The following NCOR2 variants were observed in gnomAD, a reference collection of about 807,000 sequenced individuals.
NCOR2 encodes CTG repeat protein 26.
Under a neutral mutation model 262.9 loss-of-function variants are expected in NCOR2, and 81 were observed. The ratio of observed to expected loss-of-function variants is 0.31; its 90% confidence interval spans 0.26 to 0.37. NCOR2 has a LOEUF of 0.37. Among genes scored for constraint, NCOR2 ranks in the 10% least tolerant of loss-of-function variants. The pLI is 1.00. For synonymous variants in NCOR2, 1,659 were observed against 1,559.3 expected (o/e 1.06, Z -1.51); for missense variants, 3,385 against 3,621.4 (o/e 0.93, Z 1.68).
intron 13 of NCOR2, among the ~76,000 whole-genome samples, chr12:124,411,747 G>A (rs1269297616): frequency 1.3e-5 from 2 of 152,258 alleles, no homozygotes; most frequent in Non-Finnish European, 2.9e-5. Context: ...CCCACAGTCC[G>A]TGATTCACCT....
chr12:124,505,643 T>C (rs980332008), intron 1 of NCOR2, among the ~76,000 whole-genome samples: 1 of 152,182 alleles, frequency 6.6e-6, no homozygotes, highest in African/African-American at 2.4e-5. Flanking sequence ...CTGACCTCTC[T>C]GAGCTTCACT....
intron 13 of NCOR2, among the ~76,000 whole-genome samples, chr12:124,410,230 A>AT (rs1219625326): frequency 3.4e-5 from 5 of 145,024 alleles, no homozygotes; most frequent in African/African-American, 1.3e-4. Flanking sequence ...GAGCGCTCAC[A>AT]TTTTCCACCT....
chr12:124,342,597 T>C (rs1045384380), intron 33 of NCOR2, among the ~76,000 whole-genome samples: 1 of 152,204 alleles, frequency 6.6e-6, no homozygotes, highest in Admixed American at 6.5e-5. Context: ...CTCTATCTCC[T>C]GACCTTGTGA....
At chr12:124,354,179 C>G in exon 27 of NCOR2, 1 of 1,603,742 alleles carries the variant, frequency 6.2e-7, no homozygotes, top group Non-Finnish European at 8.5e-7. Flanking sequence ...CCGCCCGGAA[C>G]TGAGCCCAGA....
chr12:124,332,029 G>A (rs11057586), intron 43 of NCOR2: 24,548 of 404,838 alleles, frequency 0.061, 2,088 homozygotes, highest in East Asian at 0.36. Context: ...GTGTGGGAGG[G>A]ATCCAACCCC....
chr12:124,391,370 C>G (rs187405893), intron 16 of NCOR2, among the ~76,000 whole-genome samples: 1 of 152,186 alleles, frequency 6.6e-6, no homozygotes, highest in Admixed American at 6.5e-5. Flanking sequence ...GACCACCGCC[C>G]CCCACCTGCC....
At chr12:124,337,937 G>A (rs1158023594) in intron 37 of NCOR2, among the ~76,000 whole-genome samples, 9 of 152,172 alleles carry the variant, frequency 5.9e-5, no homozygotes, top group East Asian at 5.8e-4. Context: ...GCAGGCACTC[G>A]TTTTCTCCAT....
intron 13 of NCOR2, among the ~76,000 whole-genome samples, chr12:124,419,733 T>C (rs1352879061): frequency 2.6e-5 from 4 of 152,222 alleles, no homozygotes; most frequent in African/African-American, 4.8e-5. Context: ...TCCTGGCCAC[T>C]ACGGGAGGCT....
chr12:124,430,752 C>T (rs2043861627), exon 9 of NCOR2: 4 of 1,613,996 alleles, frequency 2.5e-6, no homozygotes, highest in Non-Finnish European at 3.4e-6. Context: ...CCCAGGCCTC[C>T]ATGAGCTGGT....
At chr12:124,333,694 C>G (rs1451158410) in intron 41 of NCOR2, among the ~76,000 whole-genome samples, 2 of 152,150 alleles carry the variant, frequency 1.3e-5, no homozygotes, top group Admixed American at 6.5e-5. Flanking sequence ...CTCCTTCACC[C>G]TGGAGCTCAG....
chr12:124,340,560 T>G (rs764231798), intron 35 of NCOR2, 42 bp downstream of exon 37: 70 of 1,519,474 alleles, frequency 4.6e-5, no homozygotes, highest in Non-Finnish European at 6.2e-5. Flanking sequence ...CCGCCTCCCA[T>G]GGATGCCGGG....
intron 1 of NCOR2, among the ~76,000 whole-genome samples, chr12:124,511,805 C>T (rs1360942139): frequency 1.3e-5 from 2 of 152,232 alleles, no homozygotes; most frequent in Non-Finnish European, 2.9e-5. Context: ...AGTACCAACC[C>T]CCGCCAGGGC....
chr12:124,457,944 G>A lies in NCOR2; in HGVS notation c.706-782C>T, dbSNP rs1404130841. Among the ~76,000 whole-genome samples the A allele has an allele frequency of 1.3e-5, 2 of 152,302 alleles. No individual in the cohort carries two copies. The highest frequency in any genetic ancestry group is 3.9e-4 in the East Asian group (2 of 5,168). ...GGTACAGGGAGGTGGGGGGCGGAGGGGCTCCTGAAGGTGGCTTCATGGGGG... is the reference window on the plus strand; with the variant it reads ...GGTACAGGGAGGTGGGGGGCGGAGGAGCTCCTGAAGGTGGCTTCATGGGGG... On this transcript the variant is annotated intron_variant, in intron 5 of 46. Transcript: ENST00000405201. This position sits in a 1 kb window ranked among gnomAD's most constrained non-coding sequence, Gnocchi z 4.0.
At position 124,389,612 on chromosome 12, in the gene NCOR2, C is replaced by G. The variant is rs1416806761; in HGVS notation, c.1877-3725G>C. Among the ~76,000 whole-genome samples the G allele has an allele frequency of 2.0e-5, 3 of 152,182 alleles. No homozygotes were observed. Among genetic ancestry groups the G allele is most frequent in the African/African-American group, 7.2e-5 (3 of 41,434 alleles). On this transcript the variant is annotated intron_variant, in intron 16 of 46. Coordinates refer to ENST00000405201, the Ensembl canonical transcript of NCOR2. This position sits in a 1 kb window ranked among gnomAD's most constrained non-coding sequence, Gnocchi z 4.4. ...GTTCCACCTGAGCTCTGCCCCCTGC[C>G]TGGCCTGATGCTGCCGAGGCTGACC... is the stretch of plus-strand genomic sequence containing the variant.
At position 124,549,551 on chromosome 12, in the gene NCOR2, C is replaced by T. The variant is rs568190211; in HGVS notation, c.-164-13940G>A. On this transcript the variant is annotated intron_variant, in intron 1 of 32. Transcript: ENST00000458234. The surrounding 1 kb of genome is among the most constrained non-coding windows in gnomAD (Gnocchi z 4.4). The stretch of plus-strand genomic sequence containing the variant: ...GGGCTTCTGCCCCAGCGCCGGGGCA[C>T]AGCGGGCTGAGGGAGCCCCAGGACA... 2.0e-5 allele frequency among the ~76,000 whole-genome samples: 3 copies of T among 152,242 alleles called. No individual in the cohort carries two copies. The highest frequency in any genetic ancestry group is 7.2e-5 in the African/African-American group (3 of 41,548).
intron 1 of NCOR2, among the ~76,000 whole-genome samples, chr12:124,565,250 GC>G (rs1461228273): frequency 6.6e-6 from 1 of 152,036 alleles, no homozygotes; most frequent in South Asian, 2.1e-4. Flanking sequence ...CTGCGCTCCC[GC>G]CCCCATGTCT....
chr12:124,386,804 G>A (rs577583571), intron 16 of NCOR2, among the ~76,000 whole-genome samples: 7 of 152,374 alleles, frequency 4.6e-5, no homozygotes, highest in Admixed American at 2.0e-4. Flanking sequence ...CTGTCTGCCC[G>A]GCGAGCTGCG....
chr12:124,444,908 G>A (rs1593572594), intron 7 of NCOR2, among the ~76,000 whole-genome samples: 1 of 152,224 alleles, frequency 6.6e-6, no homozygotes, highest in Middle Eastern at 3.4e-3. Flanking sequence ...ACTGGTCTAG[G>A]AATTTGTCTG....
chr12:124,354,712 AG>A, intron 25 of NCOR2, 124 bp downstream of exon 27: 3 of 1,287,970 alleles, frequency 2.3e-6, no homozygotes, highest in Admixed American at 2.6e-5. Context: ...AGGGCTGCTG[AG>A]GGGGGACCTC....
Sources: gnomAD v4.1 joint callset for allele counts (sites outside exome capture counted in the v4.1 genomes callset) on GRCh38, gnomAD v4.1.1 for gene constraint, Gnocchi (gnomAD v3.1) non-coding constraint, MANE v1.5 for transcripts, NCBI Gene and HGNC (gene_info 2026-07-23, HGNC 2026-07-21) for gene names.